The following CHMP2A variants were observed in gnomAD, a reference collection of about 807,000 sequenced individuals.
CHMP2A encodes the protein charged multivesicular body protein 2A.
In CHMP2A, 6 loss-of-function variants were observed where a neutral mutation model predicts 21.8. The observed-to-expected ratio is 0.28, with a 90% CI of 0.15 to 0.54. CHMP2A has a LOEUF of 0.54. Ranked by LOEUF, CHMP2A falls within the 20% of genes least tolerant of loss-of-function variation. CHMP2A has a pLI of 0.95. For synonymous variants in CHMP2A, 125 were observed against 107.0 expected (o/e 1.17, Z -1.04); for missense variants, 303 against 293.9 (o/e 1.03, Z -0.23).
Position 58,552,445 on chromosome 19 carries a change from A to C in CHMP2A, c.169-7T>G, listed in dbSNP as rs374318577. On this transcript the variant is annotated splice_polypyrimidine_tract_variant and splice_region_variant and intron_variant, in intron 2 of 5. Coordinates refer to ENST00000312547, the MANE Select transcript of CHMP2A (RefSeq NM_014453.4). ...CCATGATGCGAACAGCATCCTGCAG[A>C]GTAGACAAGGGTATCAAGGACACAG... 118 of 1,612,076 alleles carry C rather than the reference A, an allele frequency of 7.3e-5. No homozygotes were observed. The highest frequency in any genetic ancestry group is 9.5e-5 in the Non-Finnish European group (112 of 1,178,770).
rs750144924 is a variant in CHMP2A, at chr19:58,551,650, C to T, written c.668G>A (p.Ter223=). 2 of 1,613,000 alleles carry T rather than the reference C, an allele frequency of 1.2e-6. No homozygotes were observed. Among genetic ancestry groups the T allele is most frequent in the South Asian group, 2.2e-5 (2 of 90,980 alleles). Residue 223 remains the stop codon, a stop_retained_variant, in exon 6 of 6, where the codon TGA becomes TAA. Transcript: ENST00000312547. ...EERLKNLRRD[*] The stretch of plus-strand genomic sequence containing the variant: ...GTTATCTCGGAGTGGCAGGGGCACT[C>T]AGTCCCTCCGCAGGTTCTTAAGCCG...
intron 2 of CHMP2A, among the ~76,000 whole-genome samples, chr19:58,553,593 G>A (rs1280161840): frequency 3.3e-5 from 5 of 150,424 alleles, no homozygotes; most frequent in East Asian, 3.9e-4. Context: ...GGCTGGTCTC[G>A]AAGTCCTGAC....
chr19:58,551,802 A>T (rs2053829267), intron 5 of CHMP2A, 26 bp from the exon 6 acceptor site: 1 of 1,613,926 alleles, frequency 6.2e-7, no homozygotes, highest in African/African-American at 1.3e-5. Flanking sequence ...GGGTTTGAGC[A>T]GGTGGGGTCA....
chr19:58,553,911 C>G (rs2053861789), intron 2 of CHMP2A, 134 bp downstream of exon 2: 1 of 1,179,970 alleles, frequency 8.5e-7, no homozygotes. Context: ...GACCCTCAAA[C>G]TAGGGAAGCC....
At chr19:58,553,515 G>A (rs1389988659) in intron 2 of CHMP2A, among the ~76,000 whole-genome samples, 1 of 151,856 alleles carries the variant, frequency 6.6e-6, no homozygotes, top group African/African-American at 2.4e-5. Flanking sequence ...GGGATTACAG[G>A]CGTGCGCCAC....
At position 58,552,255 on chromosome 19, in the gene CHMP2A, G is replaced by T. The variant is rs752459854; in HGVS notation, c.348+4C>A. 1.2e-6 allele frequency: 2 copies of T among 1,614,182 alleles called. No individual in the cohort carries two copies. Among genetic ancestry groups the T allele is most frequent in the East Asian group, 2.2e-5 (1 of 44,888 alleles). Reference sequence around the variant, plus strand: ...AGTGGGAAGGGGGATTGGGAAAAGCGCACCTGTCTGTTCATGGTGCCCATG... The same window carrying T: ...AGTGGGAAGGGGGATTGGGAAAAGCTCACCTGTCTGTTCATGGTGCCCATG... On this transcript the variant is annotated splice_donor_region_variant and intron_variant, in intron 3 of 5. Transcript: ENST00000312547.
At chr19:58,553,950 C>T (rs938704129) in intron 2 of CHMP2A, 95 bp downstream of exon 2, 2 of 1,522,744 alleles carry the variant, frequency 1.3e-6, no homozygotes. Context: ...ACTCGTTTTG[C>T]TGAAAGCACC....
chr19:58,554,279 C>T lies in CHMP2A; in HGVS notation c.-24-43G>A, dbSNP rs2053867009. ...GAGGCCCAGTTGTAGGGCATGGGGCCCAGGAGGGCAAGAAGCAGAACAGGG... is the reference window on the plus strand; with the variant it reads ...GAGGCCCAGTTGTAGGGCATGGGGCTCAGGAGGGCAAGAAGCAGAACAGGG... On this transcript the variant is annotated intron_variant, in intron 1 of 5. Transcript: ENST00000312547. 3.2e-6 allele frequency: 5 copies of T among 1,540,424 alleles called. No individual in the cohort carries two copies. In the East Asian group the frequency reaches 1.1e-4, roughly 35 times the overall value.
chr19:58,553,690 T>G, intron 2 of CHMP2A: 1 of 321,284 alleles, frequency 3.1e-6, no homozygotes, highest in Non-Finnish European at 5.9e-6. Flanking sequence ...ATCCCTAACC[T>G]TCCAACTTAG....
In CHMP2A at chr19:58,551,898, GCACT is replaced by G; in HGVS notation, c.541+4_541+7del. ...TGGGAAATGGGGTCCAGGATTTGGA[GCACT>G]CACTCGACAGCTCATCTGTTAGGCT... On this transcript the variant is annotated splice_donor_5th_base_variant and intron_variant, in intron 5 of 5. Coordinates refer to ENST00000312547, the MANE Select transcript of CHMP2A (RefSeq NM_014453.4). 2 of 1,614,098 alleles carry G rather than the reference GCACT, an allele frequency of 1.2e-6. No homozygotes were observed. The highest frequency in any genetic ancestry group is 1.7e-6 in the Non-Finnish European group (2 of 1,180,024).
intron 2 of CHMP2A, among the ~76,000 whole-genome samples, chr19:58,553,350 G>A (rs1415517699): frequency 7.0e-6 from 1 of 141,932 alleles, no homozygotes; most frequent in African/African-American, 2.6e-5. Context: ...TGCCGGGCCA[G>A]CTTATCCTTA....
chr19:58,551,750 T>C lies in CHMP2A; in HGVS notation c.568A>G (p.Ser190Gly), dbSNP rs773247293. 4.3e-6 allele frequency: 7 copies of C among 1,614,054 alleles called. No individual in the cohort carries two copies. In the South Asian group the frequency reaches 7.7e-5, roughly 18 times the overall value. Reference sequence around the variant, plus strand: ...GCTTTTTTCCCACCAGCAGCCACACTAAGCGAGCCCCCAGTTGAGGGGAGG... The same window carrying C: ...GCTTTTTTCCCACCAGCAGCCACACCAAGCGAGCCCCCAGTTGAGGGGAGG... ...SNLPSTGGSL[S>G]VAAGGKKAEA... The change falls in exon 6 of 6, where the codon AGT becomes GGT. Residue 190 changes from serine (S) to glycine (G), a missense_variant. Coordinates refer to ENST00000312547, the MANE Select transcript of CHMP2A (RefSeq NM_014453.4).
intron 2 of CHMP2A, among the ~76,000 whole-genome samples, chr19:58,553,456 C>T (rs1223341945): frequency 2.0e-5 from 3 of 151,466 alleles, no homozygotes; most frequent in African/African-American, 7.3e-5. Flanking sequence ...CTGTAACCTC[C>T]GCCTCCTGGG....
intron 2 of CHMP2A, 79 bp downstream of exon 2, chr19:58,553,966 T>C (rs2122649682): frequency 6.4e-7 from 1 of 1,568,592 alleles, no homozygotes; most frequent in African/African-American, 1.4e-5. Context: ...GCACCTGTGT[T>C]TGGTGTCTGG....
Position 58,554,129 on chromosome 19 carries a change from C to A in CHMP2A, c.84G>T (p.Glu28Asp). ...NQRALNRAMRELDRERQKLET... is the reference protein window; with the variant it reads ...NQRALNRAMRDLDRERQKLET... Reference sequence around the variant, plus strand: ...CTAGTTTCTGTCGCTCGCGGTCCAGCTCCCGCATGGCACGGTTCAGGGCCC... The same window carrying A: ...CTAGTTTCTGTCGCTCGCGGTCCAGATCCCGCATGGCACGGTTCAGGGCCC... The change falls in exon 2 of 6, where the codon GAG becomes GAT. Residue 28 changes from glutamate to aspartate, a missense_variant. By Grantham distance (45) the Glu-to-Asp change is conservative. Coordinates refer to ENST00000312547, the MANE Select transcript of CHMP2A (RefSeq NM_014453.4). 6.2e-7 allele frequency: 1 copy of A among 1,614,180 alleles called. No homozygotes were observed. Among genetic ancestry groups the A allele is most frequent in the Non-Finnish European group, 8.5e-7 (1 of 1,180,038 alleles).
rs1229134555 is a variant in CHMP2A at position 58,551,915 on chromosome 19, C to T, written c.532G>A (p.Glu178Lys). 1.5e-5 allele frequency: 24 copies of T among 1,614,118 alleles called. No individual in the cohort carries two copies. Among genetic ancestry groups the T allele is most frequent in the Middle Eastern group, 1.6e-4 (1 of 6,062 alleles). Residue 178 changes from glutamate to lysine, a missense_variant, in exon 5 of 6, where the codon GAG becomes AAG. Glu to Lys is a moderately conservative substitution (Grantham distance 56, BLOSUM62 1). Transcript: ENST00000312547. ...GATTTGGAGCACTCACTCGACAGCTCATCTGTTAGGCTAAGTCCCAGCTCA... is the reference window on the plus strand; with the variant it reads ...GATTTGGAGCACTCACTCGACAGCTTATCTGTTAGGCTAAGTCCCAGCTCA... ...LDELGLSLTD[E>K]LSNLPSTGGS... is the part of the protein sequence containing the mutation.
chr19:58,553,988 C>A, intron 2 of CHMP2A, 57 bp downstream of exon 2: 3 of 1,599,554 alleles, frequency 1.9e-6, no homozygotes, highest in South Asian at 2.2e-5. Flanking sequence ...CTCTCTTGTT[C>A]ACTGCTGTTA....
Position 58,551,784 on chromosome 19 carries a change from GA to G in CHMP2A, c.542-9del. ...CCCCAGTTGAGGGGAGGTCTGCAGAGAAAGTGGGGGTTTGAGCAGGTGGGGT... is the reference window on the plus strand; with the variant it reads ...CCCCAGTTGAGGGGAGGTCTGCAGAGAAGTGGGGGTTTGAGCAGGTGGGGT... On this transcript the variant is annotated splice_polypyrimidine_tract_variant and intron_variant, in intron 5 of 5. Transcript: ENST00000312547. 1 of 1,614,122 alleles carries G rather than the reference GA, an allele frequency of 6.2e-7. No individual in the cohort carries two copies. The highest frequency in any genetic ancestry group is 8.5e-7 in the Non-Finnish European group (1 of 1,180,012).
chr19:58,553,371 GTTTTTTTT>G (rs373068837), intron 2 of CHMP2A, among the ~76,000 whole-genome samples: 1 of 120,004 alleles, frequency 8.3e-6, no homozygotes, highest in Non-Finnish European at 1.7e-5. Flanking sequence ...TAGTTAACTG[GTTTTTTTT>G]TTTTTTTTTG....
Sources: allele counts gnomAD v4.1 joint callset (sites outside exome capture counted in the v4.1 genomes callset), GRCh38; gene constraint gnomAD v4.1.1; transcripts MANE v1.5; gene names NCBI Gene and HGNC (gene_info 2026-07-23, HGNC 2026-07-21).